The following CDKAL1 variants were observed in gnomAD, a reference collection of about 807,000 sequenced individuals.
CDKAL1 encodes CDKAL1 threonylcarbamoyladenosine tRNA methylthiotransferase, also known as threonylcarbamoyladenosine tRNA methylthiotransferase.
Under a neutral mutation model 68.2 loss-of-function variants are expected in CDKAL1, and 32 were observed. The observed-to-expected ratio is 0.47, with a 90% CI of 0.35 to 0.63. The LOEUF (loss-of-function observed/expected upper bound fraction) is 0.63. Ranked by LOEUF, CDKAL1 falls within the 30% of genes least tolerant of loss-of-function variation. The pLI is 0.00. For synonymous variants in CDKAL1, 234 were observed against 244.3 expected, an observed-to-expected ratio of 0.96 and a Z score of 0.39; for missense variants, 606 against 696.7, an observed-to-expected ratio of 0.87 and a Z score of 1.47.
intron 8 of CDKAL1, among the ~76,000 whole-genome samples, chr6:20,787,257 AT>A (rs1289048494): frequency 1.3e-5 from 2 of 152,124 alleles, no homozygotes; most frequent in Middle Eastern, 3.4e-3. Context: ...ATTTATTATC[AT>A]TTTAAAAAGC....
intron 4 of CDKAL1, among the ~76,000 whole-genome samples, chr6:20,592,069 C>G (rs1325508306): frequency 6.6e-6 from 1 of 152,108 alleles, no homozygotes; most frequent in Non-Finnish European, 1.5e-5. Context: ...TGTAGTTCTC[C>G]TTGAAGAGGT....
chr6:21,167,498 A>T (rs1250604125), intron 13 of CDKAL1, among the ~76,000 whole-genome samples: 1 of 152,206 alleles, frequency 6.6e-6, no homozygotes, highest in East Asian at 1.9e-4. Flanking sequence ...ACTTTAAATC[A>T]TTTAGCCCAT....
At chr6:20,888,730 A>C (rs1041709405) in intron 9 of CDKAL1, among the ~76,000 whole-genome samples, 1 of 151,930 alleles carries the variant, frequency 6.6e-6, no homozygotes, top group African/African-American at 2.4e-5. Context: ...GTAGAATTCC[A>C]TGGTGTATAT....
chr6:20,730,006 A>G (rs538644819), intron 5 of CDKAL1, among the ~76,000 whole-genome samples: 1 of 152,262 alleles, frequency 6.6e-6, no homozygotes, highest in East Asian at 1.9e-4. Context: ...TTGGAGACAG[A>G]CTATTAAAAG....
intron 9 of CDKAL1, 140 bp downstream of exon 9, chr6:20,846,318 A>G: frequency 1.7e-6 from 1 of 586,234 alleles, no homozygotes. Flanking sequence ...TTAATAAAAG[A>G]TGTGACCAGA....
intron 11 of CDKAL1, among the ~76,000 whole-genome samples, chr6:21,063,850 C>A (rs1443653756): frequency 1.3e-5 from 2 of 152,060 alleles, no homozygotes; most frequent in Non-Finnish European, 2.9e-5. Flanking sequence ...AGAAAGGAGT[C>A]CCTGAGAGAA....
intron 12 of CDKAL1, among the ~76,000 whole-genome samples, chr6:21,092,734 T>TAAAA (rs34756370): frequency 1.0e-4 from 14 of 133,464 alleles, no homozygotes; most frequent in South Asian, 2.4e-4. Context: ...GACGAAAACT[T>TAAAA]AAAAAAAAAA....
intron 5 of CDKAL1, among the ~76,000 whole-genome samples, chr6:20,671,760 T>A (rs1246857209): frequency 6.6e-6 from 1 of 152,088 alleles, no homozygotes; most frequent in Non-Finnish European, 1.5e-5. Context: ...TGGGGTCTCG[T>A]TATATTGCTC....
rs145268399 is a variant in CDKAL1, at chr6:20,682,184, G to A, written c.371+32807G>A. On this transcript the variant is annotated intron_variant, in intron 5 of 15. Transcript: ENST00000274695. ...ACACAAGCATTCAGACAGTAACACA[G>A]GCCATCTCCCTCAAGAAACCCTGGT... Among the ~76,000 whole-genome samples, 853 of 152,246 alleles carry A rather than the reference G, an allele frequency of 5.6e-3. 9 individuals are homozygous for A. Among genetic ancestry groups the A allele is most frequent in the African/African-American group, 0.019 (785 of 41,534 alleles).
intron 8 of CDKAL1, among the ~76,000 whole-genome samples, chr6:20,838,581 T>C (rs1237595633): frequency 1.3e-5 from 2 of 152,204 alleles, no homozygotes; most frequent in African/African-American, 4.8e-5. Flanking sequence ...CATGCTATTT[T>C]AGTAAACACA....
chr6:20,547,257 A>T (rs1763643916), intron 3 of CDKAL1, among the ~76,000 whole-genome samples: 1 of 152,200 alleles, frequency 6.6e-6, no homozygotes, highest in Non-Finnish European at 1.5e-5. Flanking sequence ...AAGAAATGAG[A>T]TGTCAAATTG....
chr6:20,839,930 A>G (rs1355352600), intron 8 of CDKAL1, among the ~76,000 whole-genome samples: 3 of 152,200 alleles, frequency 2.0e-5, no homozygotes, highest in East Asian at 1.9e-4. Context: ...GTTAAATGCT[A>G]TAGCAGATAG....
intron 5 of CDKAL1, among the ~76,000 whole-genome samples, chr6:20,713,831 G>A (rs545045444): frequency 6.6e-6 from 1 of 152,234 alleles, no homozygotes; most frequent in African/African-American, 2.4e-5. Flanking sequence ...CAAGATAAAT[G>A]TGTATGAAAA....
At chr6:20,905,746 T>C (rs141654649) in intron 9 of CDKAL1, among the ~76,000 whole-genome samples, 12 of 152,104 alleles carry the variant, frequency 7.9e-5, no homozygotes, top group Non-Finnish European at 1.6e-4. Context: ...AGATCTCTCC[T>C]CAGAAACCTT....
intron 8 of CDKAL1, among the ~76,000 whole-genome samples, chr6:20,843,179 AT>A (rs1778242527): frequency 6.6e-6 from 1 of 152,118 alleles, no homozygotes; most frequent in African/African-American, 2.4e-5. Flanking sequence ...TCCTCACAGA[AT>A]TGTTTAATAG....
intron 4 of CDKAL1, among the ~76,000 whole-genome samples, chr6:20,609,117 G>C (rs1766460657): frequency 6.6e-6 from 1 of 152,194 alleles, no homozygotes; most frequent in Admixed American, 6.5e-5. Context: ...GCCTTGGAGG[G>C]ACATTGGGTT....
At chr6:21,221,703 A>G (rs1779545042) in intron 15 of CDKAL1, among the ~76,000 whole-genome samples, 1 of 152,226 alleles carries the variant, frequency 6.6e-6, no homozygotes, top group South Asian at 2.1e-4. Flanking sequence ...GATCTGAGCT[A>G]TCAAACAATT....
At chr6:20,866,133 G>A (rs937083043) in intron 9 of CDKAL1, among the ~76,000 whole-genome samples, 1 of 152,076 alleles carries the variant, frequency 6.6e-6, no homozygotes, top group African/African-American at 2.4e-5. Context: ...CAGGTCAGAC[G>A]CCCTTGATTA....
At chr6:21,050,352 G>A (rs1352500876) in intron 11 of CDKAL1, among the ~76,000 whole-genome samples, 2 of 152,226 alleles carry the variant, frequency 1.3e-5, no homozygotes, top group African/African-American at 2.4e-5. Context: ...ACACTAGTGT[G>A]CCCCAGCCTG....
Sources: allele counts gnomAD v4.1 joint callset (sites outside exome capture counted in the v4.1 genomes callset), GRCh38; gene constraint gnomAD v4.1.1; transcripts MANE v1.5; gene names NCBI Gene and HGNC (gene_info 2026-07-23, HGNC 2026-07-21).